Variants in TNRC6B observed in about 807,000 individuals in gnomAD.
The protein encoded by TNRC6B is trinucleotide repeat-containing gene 6B protein.
A neutral mutation model predicts 203.6 loss-of-function variants in TNRC6B; 52 were observed. The observed-to-expected ratio is 0.26, with a 90% confidence interval of 0.20 to 0.32. The LOEUF (loss-of-function observed/expected upper bound fraction) is 0.32, where lower values mean the gene tolerates loss of function less well. TNRC6B is among the 10% of genes least tolerant of loss of function. TNRC6B has a pLI of 1.00. For synonymous variants in TNRC6B, 838 were observed against 845.7 expected, an observed-to-expected ratio of 0.99 and a Z score of 0.16; for missense variants, 1,923 against 2,286.2, an observed-to-expected ratio of 0.84 and a Z score of 3.24.
At chr22:40,268,912 C>G (rs1160400192) in intron 5 of TNRC6B, among the ~76,000 whole-genome samples, 1 of 148,922 alleles carries the variant, frequency 6.7e-6, no homozygotes, top group Non-Finnish European at 1.5e-5. Flanking sequence ...GACTCCGTCT[C>G]AAAAAATAAT....
Position 40,327,607 on chromosome 22 carries a change from G to T in TNRC6B, c.*4366G>T, listed in dbSNP as rs2071419580. 1 of 152,362 alleles carries T rather than the reference G, an allele frequency of 6.6e-6. No individual in the cohort carries two copies. The highest frequency in any genetic ancestry group is 6.5e-5 in the Admixed American group (1 of 15,286). The allele number at this position is 152,362 out of a possible 1,614,324, so 9.4% of individuals were successfully genotyped here. On this transcript the variant is annotated 3_prime_UTR_variant, in exon 23 of 23. Coordinates refer to ENST00000454349, the MANE Select transcript of TNRC6B (RefSeq NM_001162501.2). ...GCTGGGAGCTTTGCTTTATTGGTTG[G>T]CAGTGACCTAAGAACAGGATATGGT...
At chr22:40,236,060 C>T (rs1163256065) in intron 1 of TNRC6B, among the ~76,000 whole-genome samples, 1 of 152,180 alleles carries the variant, frequency 6.6e-6, no homozygotes, top group Non-Finnish European at 1.5e-5. Context: ...TAACTTCTTG[C>T]AGAACTATAG....
chr22:40,050,787 T>G (rs2067737647), intron 1 of TNRC6B, among the ~76,000 whole-genome samples: 1 of 152,096 alleles, frequency 6.6e-6, no homozygotes, highest in South Asian at 2.1e-4. Context: ...GGGCTTTTGC[T>G]TTTGTTATTT....
intron 1 of TNRC6B, among the ~76,000 whole-genome samples, chr22:40,216,703 C>T (rs999909345): frequency 6.6e-6 from 1 of 152,158 alleles, no homozygotes; most frequent in African/African-American, 2.4e-5. Context: ...GTGCATTTAA[C>T]TACTTCAGTA....
chr22:40,209,007 G>A (rs764207457), intron 1 of TNRC6B, among the ~76,000 whole-genome samples: 8 of 152,108 alleles, frequency 5.3e-5, no homozygotes, highest in East Asian at 3.8e-4. Context: ...TGAAAGCACC[G>A]TCAACATTTT....
At chr22:40,165,965 T>TG (rs58750307) in intron 4 of TNRC6B, among the ~76,000 whole-genome samples, 44,344 of 151,976 alleles carry the variant, frequency 0.29, 7,539 homozygotes, top group African/African-American at 0.46. Flanking sequence ...GGTGGTTTTT[T>TG]TTGTTGTTGT....
chr22:40,330,506 GTATT>G lies in TNRC6B; in HGVS notation c.*7268_*7271del, dbSNP rs1308664194. On this transcript the variant is annotated 3_prime_UTR_variant, in exon 23 of 23. Transcript: ENST00000454349. ...TGTTCGCCAAAAATGGGAAAGGTGGGTATTTAGGCAAAACAAAATAAAAACCTTT... is the reference window on the plus strand; with the variant it reads ...TGTTCGCCAAAAATGGGAAAGGTGGGTAGGCAAAACAAAATAAAAACCTTT... 6.6e-6 allele frequency: 1 copy of G among 152,404 alleles called. No homozygotes were observed. Among genetic ancestry groups the G allele is most frequent in the African/African-American group, 2.4e-5 (1 of 41,452 alleles). The allele number at this position is 152,404 out of a possible 1,614,324, so 9.4% of individuals were successfully genotyped here.
At chr22:40,276,874 T>G (rs2070651910) in intron 7 of TNRC6B, 1 of 386,350 alleles carries the variant, frequency 2.6e-6, no homozygotes, top group Non-Finnish European at 4.6e-6. Flanking sequence ...TTCAGTGTGG[T>G]GAATTTTATA....
In TNRC6B at chr22:40,304,307, CT is replaced by C. The variant is rs35996246; in HGVS notation, c.4120+2978del. ...AAAACAGATGGTTTCTAATTCTGTC[CT>C]TTTAGCAAAATTGAAAATATACCTA... On this transcript the variant is annotated intron_variant, in intron 15 of 22. Transcript: ENST00000454349. Among the ~76,000 whole-genome samples the C allele has an allele frequency of 1.2e-4, 19 of 152,168 alleles. No individual in the cohort carries two copies. The East Asian group carries it at 3.7e-3, about 29-fold the overall frequency.
chr22:40,321,488 T>C (rs2071333435), intron 22 of TNRC6B: 4 of 411,066 alleles, frequency 9.7e-6, no homozygotes, highest in South Asian at 7.3e-5. Flanking sequence ...GAGTAAATTC[T>C]AAGTAACATA....
intron 1 of TNRC6B, among the ~76,000 whole-genome samples, chr22:40,216,475 A>G (rs1353187179): frequency 6.6e-6 from 1 of 152,156 alleles, no homozygotes; most frequent in Non-Finnish European, 1.5e-5. Flanking sequence ...TTGTTGAACT[A>G]AAAGTAGGAA....
Position 40,334,851 on chromosome 22 carries a change from T to C in TNRC6B, c.*11610T>C, listed in dbSNP as rs2076157675. The C allele has an allele frequency of 6.6e-6, 1 of 152,540 alleles. No individual in the cohort carries two copies. The highest frequency in any genetic ancestry group is 2.4e-5 in the African/African-American group (1 of 41,416). The allele number at this position is 152,540 out of a possible 1,614,324, so 9.4% of individuals were successfully genotyped here. A position where few individuals can be genotyped will look rare whatever the true frequency, so the allele number is the denominator to read the frequency against. ...TAGACAGAAGGTGCAGAAAAGGGCA[T>C]CAAAAAGAGGCTGGATTTTTTAAAA... is the stretch of plus-strand genomic sequence containing the variant. On this transcript the variant is annotated 3_prime_UTR_variant, in exon 23 of 23. Coordinates refer to ENST00000454349, the MANE Select transcript of TNRC6B (RefSeq NM_001162501.2).
chr22:40,176,601 T>G (rs2146374615), upstream of TNRC6B, among the ~76,000 whole-genome samples: 1 of 152,274 alleles, frequency 6.6e-6, no homozygotes, highest in Non-Finnish European at 1.5e-5. Context: ...AGTCATTGAT[T>G]TATTCATTTA....
chr22:40,165,150 G>T (rs531691325), intron 4 of TNRC6B, among the ~76,000 whole-genome samples: 1 of 149,180 alleles, frequency 6.7e-6, no homozygotes, highest in South Asian at 2.1e-4. Flanking sequence ...CAGTGCAATG[G>T]TGCAATTTGG....
intron 1 of TNRC6B, among the ~76,000 whole-genome samples, chr22:40,242,368 C>G (rs1415451989): frequency 6.6e-6 from 1 of 152,160 alleles, no homozygotes; most frequent in Non-Finnish European, 1.5e-5. Flanking sequence ...TCTCCATTTT[C>G]TTCCATTTGT....
intron 2 of TNRC6B, among the ~76,000 whole-genome samples, chr22:40,124,787 G>T (rs1199294741): frequency 6.6e-6 from 1 of 152,108 alleles, no homozygotes; most frequent in East Asian, 1.9e-4. Flanking sequence ...GTCTGAGGCG[G>T]TCGGATCACG....
chr22:40,261,770 A>G (rs2070386983), intron 3 of TNRC6B, 62 bp from the exon 4 acceptor site: 1 of 1,289,686 alleles, frequency 7.8e-7, no homozygotes, highest in South Asian at 2.3e-5. Context: ...TTATTTTTAA[A>G]ATTTTTAGAA....
At chr22:40,301,969 TA>T (rs902965954) in intron 15 of TNRC6B, among the ~76,000 whole-genome samples, 2 of 152,214 alleles carry the variant, frequency 1.3e-5, no homozygotes, top group African/African-American at 4.8e-5. Flanking sequence ...TATGATCTGT[TA>T]AAATATGTAC....
chr22:40,315,634 T>A, intron 20 of TNRC6B, 127 bp downstream of exon 20: 1 of 1,116,448 alleles, frequency 9.0e-7, no homozygotes, highest in Non-Finnish European at 1.3e-6. Flanking sequence ...TTTCTTCTGG[T>A]AGAGGAAAAG....
Sources: allele counts gnomAD v4.1 joint callset (sites outside exome capture counted in the v4.1 genomes callset), GRCh38; gene constraint gnomAD v4.1.1; transcripts MANE v1.5; gene names NCBI Gene and HGNC (gene_info 2026-07-23, HGNC 2026-07-21).